Variants in PPRC1 observed in about 807,000 individuals in gnomAD.
PPRC1 encodes peroxisome proliferator-activated receptor gamma coactivator-related protein 1.
A neutral mutation model predicts 132.5 loss-of-function variants in PPRC1; 23 were observed. The ratio of observed to expected loss-of-function variants is 0.17; its 90% CI spans 0.12 to 0.25. PPRC1 has a LOEUF of 0.25. Ranked by LOEUF, PPRC1 falls within the 10% of genes least tolerant of loss-of-function variation. The pLI, the probability that PPRC1 is intolerant of heterozygous loss-of-function variation, is 1.00. For synonymous variants in PPRC1, 872 were observed against 833.5 expected (o/e 1.05, Z -0.80); for missense variants, 2,006 against 2,089.1 (o/e 0.96, Z 0.78).
At position 102,141,883 on chromosome 10, in the gene PPRC1, G is replaced by A; in HGVS notation, c.3375G>A (p.Arg1125=). ...CTACCAAGGCTGTTCCCACACCAAG[G>A]CAGAGCACTGTCCCCAAGCTGCCTG... ...LPATKAVPTP[R]QSTVPKLPAV... Residue 1125 remains arginine, a synonymous_variant, in exon 5 of 14, where the codon AGG becomes AGA. Coordinates refer to ENST00000278070, the MANE Select transcript of PPRC1 (RefSeq NM_015062.5). 1 of 1,614,114 alleles carries A rather than the reference G, an allele frequency of 6.2e-7. No homozygotes were observed. The highest frequency in any genetic ancestry group is 8.5e-7 in the Non-Finnish European group (1 of 1,180,016).
chr10:102,127,077 A>ATT, the PPRC1 span, among the ~76,000 whole-genome samples: 3 of 137,028 alleles, frequency 2.2e-5, no homozygotes, highest in Non-Finnish European at 4.8e-5. Flanking sequence ...ATAAATTAAA[A>ATT]AAAAATTGAG....
At chr10:102,145,173 G>C in intron 8 of PPRC1, 83 bp downstream of exon 8, 2 of 1,322,934 alleles carry the variant, frequency 1.5e-6, no homozygotes, top group Non-Finnish European at 2.1e-6. Flanking sequence ...ATTGTGTGTA[G>C]GCGTTAAGGA....
chr10:102,142,925 C>T, intron 5 of PPRC1, 120 bp from the exon 6 acceptor site: 2 of 831,648 alleles, frequency 2.4e-6, no homozygotes. Context: ...CCTTGGTTCA[C>T]TTAGTACAGA....
rs1365874455 is a variant in PPRC1, at chr10:102,140,599, A to T, written c.2091A>T (p.Ala697=). 6.2e-7 allele frequency: 1 copy of T among 1,614,098 alleles called. No homozygotes were observed. The highest frequency in any genetic ancestry group is 1.1e-5 in the South Asian group (1 of 91,084). ...KSRPTDPRRG[A]VSSALGGSAP... is the part of the protein sequence containing the mutation. The stretch of plus-strand genomic sequence containing the variant: ...GACCAACTGATCCCAGACGTGGTGC[A>T]GTGTCATCAGCCCTGGGGGGTTCAG... Residue 697 remains alanine, a synonymous_variant, in exon 5 of 14, where the codon GCA becomes GCT. Coordinates refer to ENST00000278070, the MANE Select transcript of PPRC1 (RefSeq NM_015062.5).
Position 102,141,458 on chromosome 10 carries a change from T to C in PPRC1, c.2950T>C (p.Trp984Arg), listed in dbSNP as rs748299242. Residue 984 changes from tryptophan (W) to arginine (R), a missense_variant, in exon 5 of 14, where the codon TGG (tryptophan) becomes CGG (arginine). By Grantham distance (101) the Trp-to-Arg change is moderately radical (BLOSUM62 -3). Coordinates refer to ENST00000278070, the MANE Select transcript of PPRC1 (RefSeq NM_015062.5). ...SSTCTYGPLGWGPGPQHAPFW... is the reference protein window; with the variant it reads ...SSTCTYGPLGRGPGPQHAPFW... ...CACATGTACCTATGGGCCCTTGGGA[T>C]GGGGCCCAGGGCCTCAACATGCTCC... The C allele has an allele frequency of 5.0e-6, 8 of 1,613,878 alleles. No homozygotes were observed. Among genetic ancestry groups the C allele is most frequent in the Non-Finnish European group, 5.9e-6 (7 of 1,179,942 alleles).
At chr10:102,147,636 G>T (rs2069322124) in intron 9 of PPRC1, among the ~76,000 whole-genome samples, 1 of 152,144 alleles carries the variant, frequency 6.6e-6, no homozygotes, top group Admixed American at 6.5e-5. Context: ...GACCTGCCTT[G>T]GGGAGACTTT....
In PPRC1 at chr10:102,143,113, G is replaced by T. The variant is rs376262387; in HGVS notation, c.3550+15G>T. ...GAAATCAGAAGGTGAGGGAACATGGGTAGTTTTGCTCCAACTCTTTTTTTG... is the reference window on the plus strand; with the variant it reads ...GAAATCAGAAGGTGAGGGAACATGGTTAGTTTTGCTCCAACTCTTTTTTTG... On this transcript the variant is annotated intron_variant, in intron 6 of 13. Transcript: ENST00000278070. 5.0e-6 allele frequency: 8 copies of T among 1,609,554 alleles called. No individual in the cohort carries two copies. The highest frequency in any genetic ancestry group is 3.3e-4 in the Middle Eastern group (2 of 6,074).
the PPRC1 span, among the ~76,000 whole-genome samples, chr10:102,121,085 A>G: frequency 6.6e-6 from 1 of 152,072 alleles, no homozygotes; most frequent in African/African-American, 2.4e-5. Context: ...TAAAAGGGTT[A>G]ATTAAGTGGG....
In PPRC1 at chr10:102,141,667, C is replaced by G. The variant is rs1459225056; in HGVS notation, c.3159C>G (p.Thr1053=). The G allele has an allele frequency of 2.5e-6, 4 of 1,613,972 alleles. No individual in the cohort carries two copies. The East Asian group carries it at 6.7e-5, about 27-fold the overall frequency. Residue 1053 remains threonine, a synonymous_variant, in exon 5 of 14, where the codon ACC becomes ACG. Transcript: ENST00000278070. ...ATGGAGCTCCTCAGACAGAGCCTAC[C>G]AAGGTGGAGGTCAAGCCAGTGCCTG... ...PGHGAPQTEP[T]KVEVKPVPAS... is the part of the protein sequence containing the mutation.
At position 102,141,711 on chromosome 10, in the gene PPRC1, A is replaced by T. The variant is rs548961143; in HGVS notation, c.3203A>T (p.His1068Leu). The T allele has an allele frequency of 6.2e-7, 1 of 1,613,984 alleles. No homozygotes were observed. The highest frequency in any genetic ancestry group is 2.2e-5 in the East Asian group (1 of 44,884). Reference protein sequence around the residue: ...KPVPASPHPKHKVSALVQSPQ... With the variant: ...KPVPASPHPKLKVSALVQSPQ... ...GTGCCTGCATCTCCCCATCCGAAAC[A>T]CAAGGTGTCTGCCCTGGTGCAAAGT... The change falls in exon 5 of 14, where the codon CAC becomes CTC. Residue 1068 changes from histidine (H) to leucine (L), a missense_variant. His to Leu is a moderately conservative substitution (Grantham distance 99). Around this residue, in one of 2 missense-constraint regions of PPRC1, gnomAD observed 1,914 missense variants for 1,917.2 expected, o/e 1.00. Coordinates refer to ENST00000278070, the MANE Select transcript of PPRC1 (RefSeq NM_015062.5).
chr10:102,127,057 AT>A, the PPRC1 span, among the ~76,000 whole-genome samples: 1,511 of 76,900 alleles, frequency 0.02, 99 homozygotes, highest in African/African-American at 0.035. Flanking sequence ...ATATATATAT[AT>A]ATATATATAT....
upstream of PPRC1, among the ~76,000 whole-genome samples, chr10:102,131,974 A>G (rs1016325479): frequency 6.6e-6 from 1 of 152,246 alleles, no homozygotes; most frequent in Non-Finnish European, 1.5e-5. Context: ...CAACTTCAAT[A>G]TAATTTAAAT....
rs1404021282 is a variant in PPRC1, at chr10:102,148,474, C to A, written c.4503C>A (p.Ser1501Arg). The A allele has an allele frequency of 6.2e-7, 1 of 1,612,746 alleles. No homozygotes were observed. The highest frequency in any genetic ancestry group is 8.5e-7 in the Non-Finnish European group (1 of 1,178,814). ...CATCCTCATCATCCAGTTCTCGAAG[C>A]CGCTCACGATCCCCATCCCCCCGCC... ...SSSSSSSSSR[S>R]RSRSPSPRRR... The change falls in exon 10 of 14, where the codon AGC becomes AGA. Residue 1501 changes from serine (S) to arginine (R), a missense_variant. This residue lies in a region of PPRC1 where 1,914 missense variants were observed against 1,917.2 expected (regional missense o/e 1.00). Transcript: ENST00000278070. This position sits in a 1 kb window ranked among gnomAD's most constrained non-coding sequence, Gnocchi z 4.2.
At chr10:102,120,321 G>T in the PPRC1 span, 6 of 984,524 alleles carry the variant, frequency 6.1e-6, no homozygotes, top group Non-Finnish European at 6.0e-6. Flanking sequence ...GCAGGAAGGC[G>T]AGCGGCCTCT....
chr10:102,140,670 C>T lies in PPRC1; in HGVS notation c.2162C>T (p.Thr721Ile). Residue 721 changes from threonine (T) to isoleucine (I), a missense_variant, in exon 5 of 14, where the codon ACC becomes ATC. Thr to Ile is a moderately conservative substitution (Grantham distance 89, BLOSUM62 -1). This residue lies in a region of PPRC1 where 1,914 missense variants were observed against 1,917.2 expected (regional missense o/e 1.00). Coordinates refer to ENST00000278070, the MANE Select transcript of PPRC1 (RefSeq NM_015062.5). Reference protein sequence around the residue: ...VESESLDPPKTIIPEVKEVVD... With the variant: ...VESESLDPPKIIIPEVKEVVD... ...TCAGAGTCCTTGGACCCACCAAAGA[C>T]CATCATCCCTGAAGTCAAAGAGGTT... 1 of 1,614,076 alleles carries T rather than the reference C, an allele frequency of 6.2e-7. No individual in the cohort carries two copies. Among genetic ancestry groups the T allele is most frequent in the Non-Finnish European group, 8.5e-7 (1 of 1,180,026 alleles).
chr10:102,147,058 C>G lies in PPRC1; in HGVS notation c.4066C>G (p.His1356Asp). The change falls in exon 9 of 14, where the codon CAC becomes GAC. Residue 1356 changes from histidine to aspartate, a missense_variant. Physicochemically the swap from His to Asp is moderately conservative, Grantham distance 81. Around this residue, in one of 2 missense-constraint regions of PPRC1, gnomAD observed 1,914 missense variants for 1,917.2 expected, o/e 1.00. Coordinates refer to ENST00000278070, the MANE Select transcript of PPRC1 (RefSeq NM_015062.5). ...CIAASREPLD[H>D]RTSSEQADPS... Reference sequence around the variant, plus strand: ...AGCTGCCTCCCGGGAGCCGCTTGATCACAGGACTAGCAGTGAGCAGGCAGA... The same window carrying G: ...AGCTGCCTCCCGGGAGCCGCTTGATGACAGGACTAGCAGTGAGCAGGCAGA... The G allele has an allele frequency of 6.2e-7, 1 of 1,614,158 alleles. No homozygotes were observed. Among genetic ancestry groups the G allele is most frequent in the Non-Finnish European group, 8.5e-7 (1 of 1,180,000 alleles).
In PPRC1 at chr10:102,148,570, A is replaced by T. The variant is rs750902310; in HGVS notation, c.4550+49A>T. The T allele has an allele frequency of 6.2e-7, 1 of 1,612,624 alleles. No homozygotes were observed. Among genetic ancestry groups the T allele is most frequent in the South Asian group, 1.1e-5 (1 of 91,038 alleles). On this transcript the variant is annotated intron_variant, in intron 10 of 13. Transcript: ENST00000278070. The surrounding 1 kb of genome is among the most constrained non-coding windows in gnomAD (Gnocchi z 4.2). ...CATGCACCTGGGATGCAGGTGCCTA[A>T]GAGTTGAGTCTTGAATTGTCTTATG... is the stretch of plus-strand genomic sequence containing the variant.
rs757684751 is a variant in PPRC1, at chr10:102,138,975, A to T, written c.586A>T (p.Ser196Cys). Reference protein sequence around the residue: ...LGPSTGSSRGSGVEMSLPDPS... With the variant: ...LGPSTGSSRGCGVEMSLPDPS... Reference sequence around the variant, plus strand: ...GCCCAGTACAGGCAGCAGTAGAGGGAGTGGGGTAAGCCTGACCTAGAGGGT... The same window carrying T: ...GCCCAGTACAGGCAGCAGTAGAGGGTGTGGGGTAAGCCTGACCTAGAGGGT... Residue 196 changes from serine to cysteine, a missense_variant, in exon 4 of 14, where the codon AGT becomes TGT. Ser to Cys is a moderately radical substitution (Grantham distance 112). Coordinates refer to ENST00000278070, the MANE Select transcript of PPRC1 (RefSeq NM_015062.5). 1.9e-6 allele frequency: 3 copies of T among 1,613,246 alleles called. No homozygotes were observed. In the East Asian group the frequency reaches 6.7e-5, roughly 36 times the overall value.
chr10:102,137,019 G>T (rs979914982), intron 1 of PPRC1, among the ~76,000 whole-genome samples: 1 of 152,220 alleles, frequency 6.6e-6, no homozygotes, highest in Non-Finnish European at 1.5e-5. Flanking sequence ...CCATTGAGAG[G>T]TTGAGTGTCT....
Sources: allele counts gnomAD v4.1 joint callset (sites outside exome capture counted in the v4.1 genomes callset), GRCh38; gene constraint gnomAD v4.1.1; regional missense constraint gnomAD v4.1.1; non-coding constraint Gnocchi (gnomAD v3.1); transcripts MANE v1.5; gene names NCBI Gene and HGNC (gene_info 2026-07-23, HGNC 2026-07-21).